Variants in DLC1 observed in about 807,000 individuals in gnomAD.
DLC1 encodes the protein rho GTPase-activating protein 7.
DLC1 carries 54 observed loss-of-function variants against 140.3 expected under a neutral mutation model. That is an observed-to-expected ratio of 0.38 (90% CI 0.31 to 0.48). The LOEUF (loss-of-function observed/expected upper bound fraction) is 0.48. Among genes scored for constraint, DLC1 ranks in the 20% least tolerant of loss-of-function variants. The pLI, the probability that DLC1 is intolerant of heterozygous loss-of-function variation, is 0.96. For missense variants in DLC1, 2,536 were observed against 1,907.0 expected (o/e 1.33, Z -6.14); for synonymous variants, 986 against 728.1 (o/e 1.35, Z -5.70).
intron 1 of DLC1, among the ~76,000 whole-genome samples, chr8:13,546,658 C>T (rs1229205324): frequency 1.3e-5 from 2 of 152,042 alleles, no homozygotes; most frequent in Non-Finnish European, 2.9e-5. Flanking sequence ...CCTTTTATTC[C>T]AGAATTCACT....
At chr8:13,418,052 G>A (rs984551193) in intron 2 of DLC1, among the ~76,000 whole-genome samples, 4 of 152,116 alleles carry the variant, frequency 2.6e-5, no homozygotes, top group African/African-American at 9.7e-5. Flanking sequence ...CCTACTTTTT[G>A]ATGGGGTGGT....
intron 4 of DLC1, among the ~76,000 whole-genome samples, chr8:13,372,403 A>G (rs552891665): frequency 4.6e-5 from 7 of 152,314 alleles, no homozygotes; most frequent in African/African-American, 1.7e-4. Flanking sequence ...ACACAAACAG[A>G]AGAACCGTTT....
chr8:13,378,795 A>C (rs975638185), intron 4 of DLC1, among the ~76,000 whole-genome samples: 1 of 152,170 alleles, frequency 6.6e-6, no homozygotes, highest in Non-Finnish European at 1.5e-5. Flanking sequence ...AGAAAAGAGC[A>C]TATAGTTCAT....
intron 5 of DLC1, among the ~76,000 whole-genome samples, chr8:13,203,741 C>G (rs1827516453): frequency 6.6e-6 from 1 of 152,104 alleles, no homozygotes; most frequent in African/African-American, 2.4e-5. Context: ...AGGAAATTCT[C>G]TTTAAAATAG....
At chr8:13,292,097 T>A (rs1185023599) in intron 5 of DLC1, among the ~76,000 whole-genome samples, 2 of 152,338 alleles carry the variant, frequency 1.3e-5, no homozygotes, top group Admixed American at 6.5e-5. Context: ...GATCTGCAGT[T>A]TTTTTGTTTT....
At chr8:13,453,691 T>A (rs2449083) in intron 2 of DLC1, among the ~76,000 whole-genome samples, 1 of 148,380 alleles carries the variant, frequency 6.7e-6, no homozygotes, top group South Asian at 2.1e-4. Context: ...TAGAAATGAC[T>A]TTAGCCTGGC....
At chr8:13,276,189 T>C (rs1586056002) in intron 5 of DLC1, 7 of 1,516,890 alleles carry the variant, frequency 4.6e-6, no homozygotes, top group East Asian at 2.5e-5. Flanking sequence ...AGCTTATCAC[T>C]GCGTCTTCGC....
chr8:13,155,177 T>C lies in DLC1; in HGVS notation c.1349-39520A>G, dbSNP rs552786322. On this transcript the variant is annotated intron_variant, in intron 5 of 17. Transcript: ENST00000276297. Reference sequence around the variant, plus strand: ...GAATGTCTCCATATCGGTGTATAAATGTACTCAATTTCTTTTAAAGTATGC... The same window carrying C: ...GAATGTCTCCATATCGGTGTATAAACGTACTCAATTTCTTTTAAAGTATGC... Among the ~76,000 whole-genome samples the C allele has an allele frequency of 1.1e-4, 17 of 151,998 alleles. No homozygotes were observed. The South Asian group carries it at 2.9e-3, about 26-fold the overall frequency.
At chr8:13,272,303 C>G (rs186909986) in intron 5 of DLC1, among the ~76,000 whole-genome samples, 1 of 151,994 alleles carries the variant, frequency 6.6e-6, no homozygotes, top group African/African-American at 2.4e-5. Flanking sequence ...CAAAAATTAG[C>G]CAGGCGAGGT....
At chr8:13,161,601 T>C (rs1328263023) in intron 5 of DLC1, among the ~76,000 whole-genome samples, 2 of 152,172 alleles carry the variant, frequency 1.3e-5, no homozygotes, top group African/African-American at 4.8e-5. Context: ...CCTCCCAAAG[T>C]CTTGGGATTA....
chr8:13,557,507 C>G (rs1490996513), intron 1 of DLC1: 2 of 152,244 alleles, frequency 1.3e-5, no homozygotes, highest in Non-Finnish European at 2.9e-5. Context: ...CCCCATGTGT[C>G]AAGGGAGGTT....
intron 17 of DLC1, 57 bp from the exon 18 acceptor site, chr8:13,085,988 T>C (rs1817523913): frequency 1.3e-6 from 2 of 1,595,346 alleles, no homozygotes; most frequent in Non-Finnish European, 1.7e-6. Flanking sequence ...AGCATGGAAA[T>C]AAAATGAGAA....
intron 2 of DLC1, among the ~76,000 whole-genome samples, chr8:13,452,162 TTTG>T (rs752280409): frequency 2.6e-5 from 4 of 151,346 alleles, no homozygotes; most frequent in Non-Finnish European, 5.9e-5. Context: ...ATGAAAAATA[TTTG>T]TTAATTTAAT....
At chr8:13,264,036 A>G (rs1413812219) in intron 5 of DLC1, among the ~76,000 whole-genome samples, 1 of 132,876 alleles carries the variant, frequency 7.5e-6, no homozygotes, top group Admixed American at 7.4e-5. Flanking sequence ...TATGACAGCA[A>G]TAAGAATAAG....
intron 4 of DLC1, among the ~76,000 whole-genome samples, chr8:13,310,411 C>CA (rs34657356): frequency 1.1e-4 from 16 of 151,056 alleles, no homozygotes; most frequent in Admixed American, 2.6e-4. Flanking sequence ...ATTTGTTCCA[C>CA]AAAAAAAAAT....
intron 1 of DLC1, among the ~76,000 whole-genome samples, chr8:13,597,284 T>C (rs2117488879): frequency 6.6e-6 from 1 of 152,106 alleles, no homozygotes; most frequent in Non-Finnish European, 1.5e-5. Context: ...CATTGGACAA[T>C]TTTGAAGCTA....
intron 2 of DLC1, among the ~76,000 whole-genome samples, chr8:13,431,401 T>TGAACCCGG (rs1284783229): frequency 7.3e-6 from 1 of 136,252 alleles, no homozygotes; most frequent in Non-Finnish European, 1.5e-5. Context: ...GAGAATGGTG[T>TGAACCCGG]GAACCCGGGA....
intron 2 of DLC1, among the ~76,000 whole-genome samples, chr8:13,439,480 C>CTT (rs975583051): frequency 1.4e-5 from 2 of 146,994 alleles, no homozygotes; most frequent in African/African-American, 5.0e-5. Context: ...TTTTTCTTTT[C>CTT]TTTTTTTTTT....
chr8:13,321,292 C>T (rs1341709251), intron 4 of DLC1, among the ~76,000 whole-genome samples: 1 of 152,044 alleles, frequency 6.6e-6, no homozygotes, highest in African/African-American at 2.4e-5. Flanking sequence ...GTAATCTCAG[C>T]ACTTTGCAAG....
Sources: gnomAD v4.1 joint callset for allele counts (sites outside exome capture counted in the v4.1 genomes callset) on GRCh38, gnomAD v4.1.1 for gene constraint, MANE v1.5 for transcripts, NCBI Gene and HGNC (gene_info 2026-07-23, HGNC 2026-07-21) for gene names.